Variants in THRAP3 observed in about 807,000 individuals in gnomAD.
THRAP3 encodes thyroid hormone receptor associated protein 3, also known as thyroid hormone receptor-associated protein 3.
Under a neutral mutation model 101.0 loss-of-function variants are expected in THRAP3, and 16 were observed. The ratio of observed to expected loss-of-function variants is 0.16; its 90% CI spans 0.11 to 0.24. The LOEUF (loss-of-function observed/expected upper bound fraction) is 0.24, where lower values mean the gene tolerates loss of function less well. Ranked by LOEUF, THRAP3 falls within the 10% of genes least tolerant of loss-of-function variation. The pLI is 1.00. For missense variants in THRAP3, 989 were observed against 1,202.7 expected (o/e 0.82, Z 2.63); for synonymous variants, 407 against 422.6 (o/e 0.96, Z 0.45).
At chr1:36,291,232 C>A in intron 5 of THRAP3, 142 bp from the exon 6 acceptor site, 2 of 760,552 alleles carry the variant, frequency 2.6e-6, no homozygotes, top group Non-Finnish European at 4.2e-6. Flanking sequence ...AGTTACAGTG[C>A]ACTGAGGGTT....
At chr1:36,258,783 A>G (rs1645408276) in intron 1 of THRAP3, among the ~76,000 whole-genome samples, 1 of 152,222 alleles carries the variant, frequency 6.6e-6, no homozygotes. Context: ...CTGTAATAAG[A>G]ATAACAACAA....
intron 8 of THRAP3, among the ~76,000 whole-genome samples, chr1:36,294,958 T>C (rs1263267516): frequency 6.6e-6 from 1 of 152,156 alleles, no homozygotes; most frequent in Non-Finnish European, 1.5e-5. Flanking sequence ...GCAAGGTGGC[T>C]CAAGCCTGTA....
chr1:36,259,962 G>T (rs1374087134), intron 2 of THRAP3, among the ~76,000 whole-genome samples: 1 of 152,016 alleles, frequency 6.6e-6, no homozygotes, highest in African/African-American at 2.4e-5. Flanking sequence ...AAAATTGGGG[G>T]CCAGGCGTGG....
At chr1:36,252,190 A>T (rs925001877) in intron 1 of THRAP3, among the ~76,000 whole-genome samples, 18 of 152,124 alleles carry the variant, frequency 1.2e-4, no homozygotes, top group Admixed American at 1.2e-3. Context: ...CAGTGGCGCT[A>T]TCTTGGCTCA....
At chr1:36,282,248 T>G (rs1219585361) in intron 2 of THRAP3, among the ~76,000 whole-genome samples, 1 of 151,676 alleles carries the variant, frequency 6.6e-6, no homozygotes, top group African/African-American at 2.4e-5. Flanking sequence ...TTTTTTTTTT[T>G]TGGAGATAGG....
At chr1:36,224,602 G>A (rs1042178329) in intron 1 of THRAP3, 97 bp downstream of exon 1, 3 of 152,664 alleles carry the variant, frequency 2.0e-5, no homozygotes, top group African/African-American at 7.2e-5. Context: ...AGGGGCTCGG[G>A]GAAGGCCTGG....
At chr1:36,301,953 C>T (rs1051809776) in intron 11 of THRAP3, among the ~76,000 whole-genome samples, 1 of 152,208 alleles carries the variant, frequency 6.6e-6, no homozygotes, top group Admixed American at 6.5e-5. Flanking sequence ...TCTTTTTAGT[C>T]TATGAACTTG....
chr1:36,277,740 A>G (rs77372854), intron 2 of THRAP3, among the ~76,000 whole-genome samples: 12,806 of 152,066 alleles, frequency 0.084, 764 homozygotes, highest in Middle Eastern at 0.23. Flanking sequence ...TGTATGGTCA[A>G]TTGGGTTTTT....
At chr1:36,294,744 T>C (rs1645923388) in intron 8 of THRAP3, among the ~76,000 whole-genome samples, 1 of 152,186 alleles carries the variant, frequency 6.6e-6, no homozygotes, top group Non-Finnish European at 1.5e-5. Context: ...AGCTTTGTAC[T>C]AGCCATGTAA....
intron 1 of THRAP3, among the ~76,000 whole-genome samples, chr1:36,229,026 G>A (rs1318021677): frequency 6.6e-6 from 1 of 152,086 alleles, no homozygotes; most frequent in African/African-American, 2.4e-5. Flanking sequence ...AATTGCTCAA[G>A]GCTTACCAAG....
At chr1:36,210,176 C>G in the THRAP3 span, among the ~76,000 whole-genome samples, 2 of 150,700 alleles carry the variant, frequency 1.3e-5, no homozygotes, top group African/African-American at 2.4e-5. Flanking sequence ...ACCATCCTGG[C>G]TAACACAGTG....
At chr1:36,228,657 C>T (rs1644990321) in intron 1 of THRAP3, among the ~76,000 whole-genome samples, 1 of 152,174 alleles carries the variant, frequency 6.6e-6, no homozygotes, top group Non-Finnish European at 1.5e-5. Flanking sequence ...GCACAGCCTG[C>T]AGCAGGACAT....
At chr1:36,246,438 G>A (rs1352552443) in intron 1 of THRAP3, among the ~76,000 whole-genome samples, 1 of 151,636 alleles carries the variant, frequency 6.6e-6, no homozygotes, top group Non-Finnish European at 1.5e-5. Context: ...TCACCATGTT[G>A]GCCAGACTGG....
At chr1:36,285,872 C>T (rs948742677) in intron 3 of THRAP3, among the ~76,000 whole-genome samples, 1 of 152,100 alleles carries the variant, frequency 6.6e-6, no homozygotes. Context: ...AAGTTCATCC[C>T]GCACAAGGGG....
intron 2 of THRAP3, among the ~76,000 whole-genome samples, chr1:36,282,181 C>T (rs1288325590): frequency 6.6e-6 from 1 of 151,950 alleles, no homozygotes; most frequent in African/African-American, 2.4e-5. Context: ...CTACCTTGGC[C>T]TCCCAGTGCA....
intron 8 of THRAP3, among the ~76,000 whole-genome samples, chr1:36,295,288 T>A (rs1645931180): frequency 6.7e-6 from 1 of 148,924 alleles, no homozygotes; most frequent in African/African-American, 2.5e-5. Context: ...GCTGTTAAAC[T>A]TTTTTTTTTA....
At chr1:36,284,996 T>C (rs1167149412) in intron 3 of THRAP3, among the ~76,000 whole-genome samples, 1 of 152,228 alleles carries the variant, frequency 6.6e-6, no homozygotes, top group Non-Finnish European at 1.5e-5. Context: ...CAGTTGCTCT[T>C]ATTCATGGTG....
chr1:36,279,194 C>G (rs1160384774), intron 2 of THRAP3, among the ~76,000 whole-genome samples: 1 of 152,022 alleles, frequency 6.6e-6, no homozygotes, highest in African/African-American at 2.4e-5. Context: ...TGAGTGTTTC[C>G]TTTTCCACTA....
chr1:36,283,930 C>A (rs1645764843), intron 3 of THRAP3, among the ~76,000 whole-genome samples: 1 of 151,948 alleles, frequency 6.6e-6, no homozygotes, highest in African/African-American at 2.4e-5. Flanking sequence ...AAAGGGAAAC[C>A]CTAAATTTAT....
Sources: gnomAD v4.1 joint callset for allele counts (sites outside exome capture counted in the v4.1 genomes callset) on GRCh38, gnomAD v4.1.1 for gene constraint, MANE v1.5 for transcripts, NCBI Gene and HGNC (gene_info 2026-07-23, HGNC 2026-07-21) for gene names.